Variants in TM4SF20 observed in about 807,000 individuals in gnomAD.
TM4SF20 encodes transmembrane 4 L6 family member 20.
TM4SF20 carries 13 observed loss-of-function variants against 15.1 expected under a neutral mutation model. The ratio of observed to expected loss-of-function variants is 0.86; its 90% confidence interval spans 0.56 to 1.36. The LOEUF (loss-of-function observed/expected upper bound fraction) is 1.36. TM4SF20 is among the 40% of genes most tolerant of loss of function. TM4SF20 has a pLI of 0.00. For missense variants in TM4SF20, 282 were observed against 268.4 expected (o/e 1.05, Z -0.35); for synonymous variants, 92 against 96.6 (o/e 0.95, Z 0.28).
At chr2:227,379,850 A>G (rs59203407), upstream of TM4SF20, among the ~76,000 whole-genome samples, 1,622 of 152,336 alleles carry the variant, frequency 0.011, 27 homozygotes, top group African/African-American at 0.037. Flanking sequence ...GGCTAATGCT[A>G]CCAGACTGAA....
At chr2:227,364,259 A>C (rs925515410) in intron 3 of TM4SF20, among the ~76,000 whole-genome samples, 1 of 152,180 alleles carries the variant, frequency 6.6e-6, no homozygotes, top group African/African-American at 2.4e-5. Flanking sequence ...GAACGGTATG[A>C]AACTGCTGTT....
Position 227,362,678 on chromosome 2 carries a change from A to C in TM4SF20, c.*1046T>G, listed in dbSNP as rs2076367855. ...GTGTTCAAAGTGTGTATGAGACATA[A>C]ATGAATTTTGTGGTTAGACTTGCAT... On this transcript the variant is annotated 3_prime_UTR_variant, in exon 4 of 4. Transcript: ENST00000304568. 1 of 152,198 alleles carries C rather than the reference A, an allele frequency of 6.6e-6. No homozygotes were observed. The highest frequency in any genetic ancestry group is 2.4e-5 in the African/African-American group (1 of 41,454). 9.4% of individuals were successfully genotyped at this position (152,198 alleles called of 1,614,324 possible).
intron 1 of TM4SF20, among the ~76,000 whole-genome samples, chr2:227,372,383 T>A (rs2076425211): frequency 6.6e-6 from 1 of 152,064 alleles, no homozygotes; most frequent in Non-Finnish European, 1.5e-5. Context: ...CGGTGGCTCA[T>A]GTCTGTAATC....
At chr2:227,378,887 C>T (rs985981818) in intron 1 of TM4SF20, among the ~76,000 whole-genome samples, 199 bp downstream of exon 1, 1 of 152,174 alleles carries the variant, frequency 6.6e-6, no homozygotes, top group Non-Finnish European at 1.5e-5. Context: ...TTGCCCAGCT[C>T]TCTATCCTAT....
intron 1 of TM4SF20, among the ~76,000 whole-genome samples, chr2:227,371,463 C>T (rs556899582): frequency 5.3e-5 from 8 of 152,256 alleles, no homozygotes; most frequent in African/African-American, 1.9e-4. Flanking sequence ...GCCTTAGCCT[C>T]CTGAGTAGCT....
intron 1 of TM4SF20, among the ~76,000 whole-genome samples, chr2:227,374,787 A>G (rs1351726203): frequency 6.6e-6 from 1 of 152,072 alleles, no homozygotes; most frequent in African/African-American, 2.4e-5. Flanking sequence ...AGCTCATTAC[A>G]AATATCAAAA....
At chr2:227,375,719 G>A (rs1362508758) in intron 1 of TM4SF20, among the ~76,000 whole-genome samples, 1 of 152,044 alleles carries the variant, frequency 6.6e-6, no homozygotes, top group Non-Finnish European at 1.5e-5. Flanking sequence ...TTGATCTCCT[G>A]ACCTCGTGAT....
intron 2 of TM4SF20, among the ~76,000 whole-genome samples, 179 bp from the exon 3 acceptor site, chr2:227,366,423 T>C (rs986422646): frequency 6.6e-6 from 1 of 152,052 alleles, no homozygotes; most frequent in Non-Finnish European, 1.5e-5. Context: ...GCTATTTGAT[T>C]ACACTCAATA....
chr2:227,370,454 C>T (rs1176088364), intron 2 of TM4SF20, among the ~76,000 whole-genome samples: 1 of 152,064 alleles, frequency 6.6e-6, no homozygotes, highest in East Asian at 1.9e-4. Context: ...TCTATATAAT[C>T]ATCCTAAATA....
At chr2:227,366,899 C>T (rs2076396305) in intron 2 of TM4SF20, among the ~76,000 whole-genome samples, 2 of 152,078 alleles carry the variant, frequency 1.3e-5, no homozygotes. Flanking sequence ...ATCTTAACTA[C>T]GTTTATCTTC....
chr2:227,377,374 T>C (rs1560007774), intron 1 of TM4SF20, among the ~76,000 whole-genome samples: 1 of 152,228 alleles, frequency 6.6e-6, no homozygotes, highest in Non-Finnish European at 1.5e-5. Flanking sequence ...TGCTTCATGC[T>C]GTTGAGTTGC....
chr2:227,379,461 A>T (rs2076469464), upstream of TM4SF20: 2 of 487,934 alleles, frequency 4.1e-6, no homozygotes, highest in Admixed American at 7.5e-5. Flanking sequence ...CCATATTATG[A>T]TGAGGTGAAG....
intron 1 of TM4SF20, among the ~76,000 whole-genome samples, chr2:227,373,052 A>T (rs1373248215): frequency 6.6e-6 from 1 of 152,098 alleles, no homozygotes; most frequent in Admixed American, 6.5e-5. Flanking sequence ...CTCAAGTCTT[A>T]CAATTCTCCC....
rs181011099 is a variant in TM4SF20, at chr2:227,366,007, C to T, written c.401+86G>A. 973 of 1,346,964 alleles carry T rather than the reference C, an allele frequency of 7.2e-4. 11 individuals are homozygous for T. The East Asian group carries it at 0.022, about 31-fold the overall frequency. 83.4% of individuals were successfully genotyped at this position (1,346,964 alleles called of 1,614,324 possible). On this transcript the variant is annotated intron_variant, in intron 3 of 3. Transcript: ENST00000304568. ...TCCCGGCAGTTGCATCAAATAAAAA[C>T]ATGGCATTGTTCCAGTACTGCATTA...
chr2:227,363,628 G>T lies in TM4SF20; in HGVS notation c.*96C>A. The stretch of plus-strand genomic sequence containing the variant: ...TTACAACGTGCTTTCTACGTGAAGG[G>T]TTGATTTTTTAAATCATCTCAAAGA... On this transcript the variant is annotated 3_prime_UTR_variant, in exon 4 of 4. Coordinates refer to ENST00000304568, the MANE Select transcript of TM4SF20 (RefSeq NM_024795.4). 5.3e-6 allele frequency: 7 copies of T among 1,317,912 alleles called. No individual in the cohort carries two copies. In the South Asian group the frequency reaches 8.6e-5, roughly 16 times the overall value. 81.6% of individuals were successfully genotyped at this position (1,317,912 alleles called of 1,614,324 possible). A position where few individuals can be genotyped will look rare whatever the true frequency, so the allele number is the denominator to read the frequency against.
intron 2 of TM4SF20, among the ~76,000 whole-genome samples, chr2:227,368,125 G>A (rs1193169604): frequency 2.8e-5 from 4 of 144,966 alleles, no homozygotes; most frequent in Non-Finnish European, 4.5e-5. Context: ...CCGGGTTCAC[G>A]CCATTCTCCT....
In TM4SF20 at chr2:227,379,197, A is replaced by T. The variant is rs1446392126; in HGVS notation, c.72T>A (p.Val24=). The T allele has an allele frequency of 8.7e-6, 14 of 1,614,188 alleles. No homozygotes were observed. The highest frequency in any genetic ancestry group is 1.6e-4 in the Middle Eastern group (1 of 6,062). Residue 24 remains valine, a synonymous_variant, in exon 1 of 4, where the codon GTT becomes GTA. Coordinates refer to ENST00000304568, the MANE Select transcript of TM4SF20 (RefSeq NM_024795.4). ...SLLVLLLLGV[V]LNAIPLIVSL... Reference sequence around the variant, plus strand: ...TGACAATTAGAGGTATCGCATTGAGAACTACTCCTAACAGCAGTAGAACCA... The same window carrying T: ...TGACAATTAGAGGTATCGCATTGAGTACTACTCCTAACAGCAGTAGAACCA...
At chr2:227,372,477 C>G (rs2076425799) in intron 1 of TM4SF20, among the ~76,000 whole-genome samples, 1 of 152,014 alleles carries the variant, frequency 6.6e-6, no homozygotes, top group Admixed American at 6.6e-5. Context: ...AACCCCGTCT[C>G]TACTAAAAAT....
upstream of TM4SF20, chr2:227,381,513 C>A (rs1243846170): frequency 6.6e-6 from 1 of 152,068 alleles, no homozygotes; most frequent in Non-Finnish European, 1.5e-5. Context: ...TTATCTCATT[C>A]TATAACTATA....
Sources: gnomAD v4.1 joint callset for allele counts (sites outside exome capture counted in the v4.1 genomes callset) on GRCh38, gnomAD v4.1.1 for gene constraint, MANE v1.5 for transcripts, NCBI Gene and HGNC (gene_info 2026-07-23, HGNC 2026-07-21) for gene names.